Variants in IGSF9 observed in about 807,000 individuals in gnomAD.
IGSF9 encodes the protein immunoglobulin superfamily member 9, also known as protein turtle homolog A.
IGSF9 carries 87 observed loss-of-function variants against 121.7 expected under a neutral mutation model. That is an observed-to-expected ratio of 0.71 (90% CI 0.60 to 0.85). The LOEUF is 0.85. Among genes scored for constraint, IGSF9 ranks in the 40% least tolerant of loss-of-function variants. The pLI is 0.00. For missense variants in IGSF9, 1,462 were observed against 1,565.3 expected (o/e 0.93, Z 1.11); for synonymous variants, 640 against 648.4 (o/e 0.99, Z 0.20).
At chr1:159,937,916 T>C in intron 3 of IGSF9, 78 bp from the exon 4 acceptor site, 7 of 1,466,964 alleles carry the variant, frequency 4.8e-6, no homozygotes, top group Non-Finnish European at 6.5e-6. Flanking sequence ...CTGGTAATTC[T>C]TAGAGGTAAG....
Position 159,930,136 on chromosome 1 carries a change from G to A in IGSF9, c.2064+53C>T. On this transcript the variant is annotated intron_variant, in intron 15 of 20. Coordinates refer to ENST00000368094, the MANE Select transcript of IGSF9 (RefSeq NM_001135050.2). ...AAGATAGAGTTTGGGGAATGGAGAAGGACGCAGGAGAGCCCCTAGGAGGCC... is the reference window on the plus strand; with the variant it reads ...AAGATAGAGTTTGGGGAATGGAGAAAGACGCAGGAGAGCCCCTAGGAGGCC... 1.9e-6 allele frequency: 3 copies of A among 1,559,186 alleles called. No homozygotes were observed. In the African/African-American group the frequency reaches 4.1e-5, roughly 21 times the overall value.
rs1651042226 is a variant in IGSF9, at chr1:159,932,752, G to A, written c.1105-100C>T. 9.1e-6 allele frequency: 11 copies of A among 1,203,242 alleles called. No homozygotes were observed. The Admixed American group carries it at 2.6e-4, about 29-fold the overall frequency. 74.5% of individuals were successfully genotyped at this position (1,203,242 alleles called of 1,614,324 possible). A position where few individuals can be genotyped will look rare whatever the true frequency, so the allele number is the denominator to read the frequency against. ...GGGGCAGGATGAGAAACCCACAGCT[G>A]TGCAGAAGACTCCAGCAGCTCCATG... On this transcript the variant is annotated intron_variant, in intron 9 of 20. Transcript: ENST00000368094. The surrounding 1 kb of genome is among the most constrained non-coding windows in gnomAD (Gnocchi z 4.1).
rs1466396653 is a variant in IGSF9 at position 159,928,786 on chromosome 1, G to C, written c.2602C>G (p.Arg868Gly). The change falls in exon 19 of 21, where the codon CGG becomes GGG. Residue 868 changes from arginine to glycine, a missense_variant. By Grantham distance (125) the Arg-to-Gly change is moderately radical (BLOSUM62 -2). Transcript: ENST00000368094. ...GGAGTCCGAGGTTCTGCCTGCTCCCGGCCTGACCTTTCCTGGGGGGCCGCC... is the reference window on the plus strand; with the variant it reads ...GGAGTCCGAGGTTCTGCCTGCTCCCCGCCTGACCTTTCCTGGGGGGCCGCC... The part of the protein sequence containing the change: ...TVAAPQERSG[R>G]EQAEPRTPAQ... 1 of 1,483,428 alleles carries C rather than the reference G, an allele frequency of 6.7e-7. No individual in the cohort carries two copies. Among genetic ancestry groups the C allele is most frequent in the Non-Finnish European group, 9.0e-7 (1 of 1,115,132 alleles). The allele number at this position is 1,483,428 out of a possible 1,614,324, so 91.9% of individuals were successfully genotyped here.
Position 159,936,512 on chromosome 1 carries a change from T to C in IGSF9, c.560A>G (p.Gln187Arg), listed in dbSNP as rs572236772. Residue 187 changes from glutamine (Q) to arginine (R), a missense_variant, in exon 6 of 21, where the codon CAG becomes CGG. This residue lies in a region of IGSF9 where 558 missense variants were observed against 599.4 expected (regional missense o/e 0.93). Transcript: ENST00000368094. ...CCGGCGGATCCGCAGCGTCCCGTTC[T>C]GCACCTAGGGAAGGAGTGGGTGAGG... ...LGQGQGQVQVQNGTLRIRRVE... is the reference protein window; with the variant it reads ...LGQGQGQVQVRNGTLRIRRVE... The C allele has an allele frequency of 6.8e-6, 11 of 1,613,848 alleles. No homozygotes were observed. Among genetic ancestry groups the C allele is most frequent in the Middle Eastern group, 1.7e-4 (1 of 6,028 alleles).
In IGSF9 at chr1:159,930,271, C is replaced by T. The variant is rs747438784; in HGVS notation, c.1982G>A (p.Arg661Gln). Residue 661 changes from arginine to glutamine, a missense_variant, in exon 15 of 21, where the codon CGG becomes CAG. Physicochemically the swap from Arg to Gln is conservative, Grantham distance 43 (BLOSUM62 1). This residue lies in a region of IGSF9 where 808 missense variants were observed against 815.2 expected (regional missense o/e 0.99). Coordinates refer to ENST00000368094, the MANE Select transcript of IGSF9 (RefSeq NM_001135050.2). ...KRLDGYVLEG[R>Q]QGSQGWEVLD... ...CACCTCCCAGCCCTGGGAGCCTTGC[C>T]GGCCTTCCAAGACGTAGCCATCCAG... 1.9e-6 allele frequency: 3 copies of T among 1,613,804 alleles called. No homozygotes were observed. The highest frequency in any genetic ancestry group is 1.3e-5 in the African/African-American group (1 of 74,860).
chr1:159,929,070 A>G, intron 18 of IGSF9, 52 bp from the exon 19 acceptor site: 1 of 1,495,396 alleles, frequency 6.7e-7, no homozygotes, highest in Non-Finnish European at 8.9e-7. Context: ...TCCCCCTCCC[A>G]GGAGCCAGCG....
rs1651003438 is a variant in IGSF9 at position 159,931,647 on chromosome 1, C to T, written c.1363-44G>A. On this transcript the variant is annotated intron_variant, in intron 11 of 20. Transcript: ENST00000368094. The surrounding 1 kb of genome is among the most constrained non-coding windows in gnomAD (Gnocchi z 4.8). ...GCCCTGAGGACACACGCAGCCACCC[C>T]TCACCAAAGGCGCCCCTCATCTCTC... 2.5e-6 allele frequency: 4 copies of T among 1,596,534 alleles called. No individual in the cohort carries two copies. The African/African-American group carries it at 5.4e-5, about 21-fold the overall frequency.
Position 159,927,428 on chromosome 1 carries a change from G to C in IGSF9, c.3457C>G (p.Arg1153Gly), listed in dbSNP as rs775523836. ...AALREEFLAF[R>G]RRRDATRARL... ...GCCCTAGTAGCATCTCGGCGGCGGC[G>C]GAAGGCCAGGAATTCCTCCCGAAGG... Residue 1153 changes from arginine (R) to glycine (G), a missense_variant, in exon 21 of 21, where the codon CGC (arginine) becomes GGC (glycine). Arg to Gly is a moderately radical substitution (Grantham distance 125, BLOSUM62 -2). Coordinates refer to ENST00000368094, the MANE Select transcript of IGSF9 (RefSeq NM_001135050.2). 1 of 1,614,090 alleles carries C rather than the reference G, an allele frequency of 6.2e-7. No homozygotes were observed. Among genetic ancestry groups the C allele is most frequent in the African/African-American group, 1.3e-5 (1 of 75,050 alleles).
At chr1:159,933,414 T>C (rs907769828) in intron 9 of IGSF9, 27 of 152,316 alleles carry the variant, frequency 1.8e-4, no homozygotes, top group African/African-American at 6.3e-4. Context: ...GATGAAAAGA[T>C]GCAATACTAG....
In IGSF9 at chr1:159,937,726, G is replaced by A. The variant is rs142776880; in HGVS notation, c.360C>T (p.Asp120=). The A allele has an allele frequency of 6.1e-4, 985 of 1,613,826 alleles. No individual in the cohort carries two copies. The highest frequency in any genetic ancestry group is 7.7e-4 in the Non-Finnish European group (909 of 1,179,918). Reference sequence around the variant, plus strand: ...GCACCCAGGAGCCGTTAGCAAAATCGTCTTCAGGGATGTGCTGGTCCAGGA... The same window carrying A: ...GCACCCAGGAGCCGTTAGCAAAATCATCTTCAGGGATGTGCTGGTCCAGGA... The part of the protein sequence containing the change: ...VFFLDQHIPE[D]DFANGSWVHL... Residue 120 remains aspartate, a synonymous_variant, in exon 4 of 21, where the codon GAC becomes GAT. Transcript: ENST00000368094.
At chr1:159,937,954 T>A in intron 3 of IGSF9, 116 bp from the exon 4 acceptor site, 1 of 1,144,164 alleles carries the variant, frequency 8.7e-7, no homozygotes. Flanking sequence ...CCAGTTACTC[T>A]GAGTGTGGGG....
chr1:159,943,054 CA>C lies in IGSF9; in HGVS notation c.155del (p.Leu52ArgfsTer79), dbSNP rs760742334. 6 of 1,613,200 alleles carry C rather than the reference CA, an allele frequency of 3.7e-6. No homozygotes were observed. Among genetic ancestry groups the C allele is most frequent in the African/African-American group, 2.7e-5 (2 of 74,850 alleles). On this transcript the variant is annotated frameshift_variant, in exon 3 of 21. Transcript: ENST00000368094. LOFTEE classifies it high-confidence loss of function. ...CAAAGCGCAGCCACTCGATGACATG[CA>C]GGGGGGGCCGGCCGGCCGGGGGCAG... ...DLLPPAGRPP[L>X]HVIEWLRFGF...
rs1432206008 is a variant in IGSF9, at chr1:159,931,632, C to T, written c.1363-29G>A. 1 of 1,603,464 alleles carries T rather than the reference C, an allele frequency of 6.2e-7. No homozygotes were observed. Among genetic ancestry groups the T allele is most frequent in the African/African-American group, 1.3e-5 (1 of 74,728 alleles). The stretch of plus-strand genomic sequence containing the variant: ...CAGAACCACTGGTGAGCCCTGAGGA[C>T]ACACGCAGCCACCCCTCACCAAAGG... On this transcript the variant is annotated intron_variant, in intron 11 of 20. Transcript: ENST00000368094. This position sits in a 1 kb window ranked among gnomAD's most constrained non-coding sequence, Gnocchi z 4.8.
intron 3 of IGSF9, 142 bp from the exon 4 acceptor site, chr1:159,937,980 A>G: frequency 1.1e-6 from 1 of 909,766 alleles, no homozygotes; most frequent in South Asian, 1.7e-5. Flanking sequence ...AGAGACGCAG[A>G]TGAGGTTGGG....
At chr1:159,934,968 T>TC (rs1557934667) in intron 6 of IGSF9, 146 bp from the exon 7 acceptor site, 3 of 842,092 alleles carry the variant, frequency 3.6e-6, no homozygotes, top group Non-Finnish European at 3.6e-6. Flanking sequence ...AGCAGAAGCT[T>TC]CCCCCTGTAT....
Position 159,931,323 on chromosome 1 carries a change from G to A in IGSF9, c.1514-62C>T. Reference sequence around the variant, plus strand: ...CTGAGGGAGTGTACAGAGTAGCAGGGGCCCCAGGGCCACTGACCTTCACCC... The same window carrying A: ...CTGAGGGAGTGTACAGAGTAGCAGGAGCCCCAGGGCCACTGACCTTCACCC... On this transcript the variant is annotated intron_variant, in intron 12 of 20. Transcript: ENST00000368094. This position sits in a 1 kb window ranked among gnomAD's most constrained non-coding sequence, Gnocchi z 4.8. 8.1e-6 allele frequency: 13 copies of A among 1,607,054 alleles called. No homozygotes were observed. In the South Asian group the frequency reaches 1.4e-4, roughly 18 times the overall value.
chr1:159,937,803 T>C lies in IGSF9; in HGVS notation c.283A>G (p.Ile95Val), dbSNP rs753727591. 4.3e-6 allele frequency: 7 copies of C among 1,613,992 alleles called. No individual in the cohort carries two copies. Among genetic ancestry groups the C allele is most frequent in the Non-Finnish European group, 5.9e-6 (7 of 1,179,964 alleles). ...VRLQKGASLQIEGLRVEDQGW... is the reference protein window; with the variant it reads ...VRLQKGASLQVEGLRVEDQGW... The stretch of plus-strand genomic sequence containing the variant: ...TGGTCTTCCACCCGGAGACCCTCAA[T>C]CTGGAGAGAGGCCCCCTTCTGCAGC... Residue 95 changes from isoleucine (I) to valine (V), a missense_variant, in exon 4 of 21, where the codon ATT becomes GTT. Ile to Val is a conservative substitution (Grantham distance 29). This residue lies in a region of IGSF9 where 558 missense variants were observed against 599.4 expected (regional missense o/e 0.93). Coordinates refer to ENST00000368094, the MANE Select transcript of IGSF9 (RefSeq NM_001135050.2).
Position 159,937,685 on chromosome 1 carries a change from C to G in IGSF9, c.400+1G>C, listed in dbSNP as rs1413087557. 6.2e-7 allele frequency: 1 copy of G among 1,613,480 alleles called. No individual in the cohort carries two copies. Among genetic ancestry groups the G allele is most frequent in the Non-Finnish European group, 8.5e-7 (1 of 1,179,486 alleles). ...CCACCACCTGCCCCCCAGCTTCATA[C>G]AATTGACTGTCAGATGCACCCAGGA... On this transcript the variant is annotated splice_donor_variant, in intron 4 of 20. Coordinates refer to ENST00000368094, the MANE Select transcript of IGSF9 (RefSeq NM_001135050.2). LOFTEE classifies it high-confidence loss of function.
intron 9 of IGSF9, chr1:159,933,594 A>C (rs1651078992): frequency 6.5e-6 from 1 of 154,100 alleles, no homozygotes; most frequent in Non-Finnish European, 1.4e-5. Flanking sequence ...TGGACGATCC[A>C]TGATTCCATA....
Sources: allele counts gnomAD v4.1 joint callset, GRCh38; gene constraint gnomAD v4.1.1; regional missense constraint gnomAD v4.1.1; non-coding constraint Gnocchi (gnomAD v3.1); transcripts MANE v1.5; gene names NCBI Gene and HGNC (gene_info 2026-07-23, HGNC 2026-07-21).